Variants in CADM2 observed in about 807,000 individuals in gnomAD.
CADM2 encodes the protein cell adhesion molecule 2, also known as immunoglobulin superfamily member 4D.
Under a neutral mutation model 49.8 loss-of-function variants are expected in CADM2, and 12 were observed. The observed-to-expected ratio is 0.24, with a 90% CI of 0.15 to 0.39. The LOEUF (loss-of-function observed/expected upper bound fraction) is 0.39. Ranked by LOEUF, CADM2 falls within the 10% of genes least tolerant of loss-of-function variation. The pLI is 1.00. For synonymous variants in CADM2, 214 were observed against 175.4 expected, an observed-to-expected ratio of 1.22 and a Z score of -1.74; for missense variants, 378 against 492.3, an observed-to-expected ratio of 0.77 and a Z score of 2.20.
intron 8 of CADM2, among the ~76,000 whole-genome samples, chr3:85,962,975 A>T (rs7623735): frequency 0.69 from 105,263 of 151,708 alleles, 38,053 homozygotes; most frequent in African/African-American, 0.91. Flanking sequence ...CCAAAAAGAA[A>T]TTTGGGGGTC....
Position 85,869,614 on chromosome 3 carries a change from G to A in CADM2, c.239-13677G>A, listed in dbSNP as rs1301727568. 2.6e-5 allele frequency among the ~76,000 whole-genome samples: 4 copies of A among 151,794 alleles called. No individual in the cohort carries two copies. In the South Asian group the frequency reaches 8.3e-4, roughly 32 times the overall value. On this transcript the variant is annotated intron_variant, in intron 3 of 9. Transcript: ENST00000383699. ...ACCACCATGCTCGTGATTCATTGCT[G>A]TTAAAGTTCTTGTTTCCTTTATCTG...
chr3:85,068,249 C>A (rs930266290), intron 1 of CADM2, among the ~76,000 whole-genome samples: 7 of 152,108 alleles, frequency 4.6e-5, no homozygotes, highest in Non-Finnish European at 8.8e-5. Context: ...TGGTAACATT[C>A]ATCAATCTAT....
At chr3:85,769,885 G>A (rs1048960076) in intron 2 of CADM2, among the ~76,000 whole-genome samples, 12 of 151,580 alleles carry the variant, frequency 7.9e-5, no homozygotes, top group Admixed American at 4.6e-4. Flanking sequence ...CAGCAACTAA[G>A]TTCATTTAGT....
intron 1 of CADM2, among the ~76,000 whole-genome samples, chr3:85,478,915 A>G (rs764160667): frequency 5.9e-5 from 9 of 151,904 alleles, no homozygotes; most frequent in Non-Finnish European, 1.2e-4. Flanking sequence ...GATGACTTCC[A>G]TAAGTTATGA....
intron 1 of CADM2, among the ~76,000 whole-genome samples, chr3:85,578,514 T>A: frequency 6.6e-6 from 1 of 152,262 alleles, no homozygotes; most frequent in Non-Finnish European, 1.5e-5. Context: ...AGAGTTCTTT[T>A]GTTTAACAGC....
intron 1 of CADM2, among the ~76,000 whole-genome samples, chr3:85,124,684 T>C (rs1051518024): frequency 1.3e-5 from 2 of 152,152 alleles, no homozygotes; most frequent in African/African-American, 4.8e-5. Context: ...AACATTCAAT[T>C]ACACCTAAGC....
intron 1 of CADM2, among the ~76,000 whole-genome samples, chr3:85,214,654 G>T (rs1296257604): frequency 1.6e-4 from 25 of 151,978 alleles, no homozygotes; most frequent in Non-Finnish European, 8.8e-5. Flanking sequence ...GGCTGAGTTG[G>T]CAACCAAGCT....
chr3:85,157,575 A>G (rs1016426480), intron 1 of CADM2, among the ~76,000 whole-genome samples: 3 of 152,182 alleles, frequency 2.0e-5, no homozygotes, highest in Admixed American at 2.0e-4. Context: ...ACCTGAGAAA[A>G]ACAAGCATTG....
At chr3:85,900,063 G>A (rs76325906) in intron 5 of CADM2, among the ~76,000 whole-genome samples, 7,425 of 152,100 alleles carry the variant, frequency 0.049, 289 homozygotes, top group Middle Eastern at 0.065. Context: ...TCCATGCAAC[G>A]CATCGTGTAA....
At chr3:85,788,308 A>C (rs918762115) in intron 2 of CADM2, among the ~76,000 whole-genome samples, 2 of 152,144 alleles carry the variant, frequency 1.3e-5, no homozygotes, top group Non-Finnish European at 2.9e-5. Flanking sequence ...GAAATTATAC[A>C]CTATTAAGTG....
At chr3:85,845,155 CAAAA>C (rs71112121) in intron 3 of CADM2, among the ~76,000 whole-genome samples, 2 of 88,100 alleles carry the variant, frequency 2.3e-5, no homozygotes, top group Non-Finnish European at 2.5e-5. Context: ...GACTTAGTCA[CAAAA>C]AAAAAAAAAA....
intron 8 of CADM2, among the ~76,000 whole-genome samples, chr3:85,999,035 T>A (rs755597170): frequency 3.3e-4 from 50 of 152,182 alleles, no homozygotes; most frequent in Admixed American, 6.5e-4. Context: ...GGAAAAAAAA[T>A]AATGTATTCC....
intron 1 of CADM2, among the ~76,000 whole-genome samples, chr3:85,562,815 G>T (rs971614434): frequency 6.6e-6 from 1 of 151,932 alleles, no homozygotes; most frequent in African/African-American, 2.4e-5. Flanking sequence ...TTAGAGATTT[G>T]TCCACTTGTA....
At chr3:85,507,532 A>C (rs1373630032) in intron 1 of CADM2, among the ~76,000 whole-genome samples, 1 of 152,152 alleles carries the variant, frequency 6.6e-6, no homozygotes, top group Non-Finnish European at 1.5e-5. Flanking sequence ...TTTGTTATGA[A>C]ACATTATTTA....
intron 1 of CADM2, among the ~76,000 whole-genome samples, chr3:85,706,099 T>C (rs2066940276): frequency 6.6e-6 from 1 of 152,214 alleles, no homozygotes; most frequent in African/African-American, 2.4e-5. Flanking sequence ...ATAATATGAT[T>C]AGAATTGCTC....
chr3:85,768,508 T>A (rs62980761), intron 2 of CADM2, among the ~76,000 whole-genome samples: 33,452 of 144,892 alleles, frequency 0.23, 4,278 homozygotes, highest in East Asian at 0.48. Context: ...CTTTTTTTTT[T>A]ATCTAACTGG....
At position 85,405,747 on chromosome 3, in the gene CADM2, C is replaced by A. The variant is rs560378044; in HGVS notation, c.62-320775C>A. On this transcript the variant is annotated intron_variant, in intron 1 of 9. Transcript: ENST00000383699. ...TATTTTAAGTTTTGGAGTACACGTG[C>A]AGGATGTGCAGGTTTGTCACATAGG... 2.4e-3 allele frequency among the ~76,000 whole-genome samples: 371 copies of A among 151,628 alleles called. 2 individuals are homozygous for A. The highest frequency in any genetic ancestry group is 8.6e-3 in the African/African-American group (354 of 41,352).
intron 1 of CADM2, among the ~76,000 whole-genome samples, chr3:85,209,431 A>G (rs2041724367): frequency 6.6e-6 from 1 of 152,164 alleles, no homozygotes; most frequent in South Asian, 2.1e-4. Flanking sequence ...ATCAGAAAGA[A>G]ACTCAAATTC....
At chr3:85,603,148 C>T (rs2063456553) in intron 1 of CADM2, among the ~76,000 whole-genome samples, 1 of 151,820 alleles carries the variant, frequency 6.6e-6, no homozygotes, top group African/African-American at 2.4e-5. Context: ...TAGCACCTAG[C>T]TCAATGTCTG....
Sources: gnomAD v4.1 joint callset for allele counts (sites outside exome capture counted in the v4.1 genomes callset) on GRCh38, gnomAD v4.1.1 for gene constraint, MANE v1.5 for transcripts, NCBI Gene and HGNC (gene_info 2026-07-23, HGNC 2026-07-21) for gene names.